Variants in PAPSS2 observed in about 807,000 individuals in gnomAD.
PAPSS2 encodes the protein bifunctional 3'-phosphoadenosine 5'-phosphosulfate synthase 2.
In PAPSS2, 61 loss-of-function variants were observed where a neutral mutation model predicts 66.5. The ratio of observed to expected loss-of-function variants is 0.92; its 90% CI spans 0.75 to 1.14. PAPSS2 has a LOEUF of 1.14. Ranked by LOEUF, PAPSS2 falls within the 50% of genes most tolerant of loss-of-function variation. PAPSS2 has a pLI of 0.00. For synonymous variants in PAPSS2, 289 were observed against 287.5 expected, an observed-to-expected ratio of 1.01 and a Z score of -0.05; for missense variants, 708 against 789.6, an observed-to-expected ratio of 0.90 and a Z score of 1.24.
At chr10:87,712,468 TG>T (rs1390750553) in intron 2 of PAPSS2, among the ~76,000 whole-genome samples, 2 of 152,330 alleles carry the variant, frequency 1.3e-5, no homozygotes, top group East Asian at 3.9e-4. Flanking sequence ...CTTTTTGCTT[TG>T]GAGACAAGGC....
chr10:87,716,644 G>A (rs1397082310), intron 7 of PAPSS2, among the ~76,000 whole-genome samples: 1 of 151,966 alleles, frequency 6.6e-6, no homozygotes, highest in Non-Finnish European at 1.5e-5. Context: ...CTCTTTTTTG[G>A]GAGAGGTGTT....
At chr10:87,676,975 C>T (rs1230157514) in intron 1 of PAPSS2, among the ~76,000 whole-genome samples, 1 of 147,298 alleles carries the variant, frequency 6.8e-6, no homozygotes, top group African/African-American at 2.5e-5. Context: ...AGGCAGATCA[C>T]TTGAGGTCAG....
intron 1 of PAPSS2, among the ~76,000 whole-genome samples, chr10:87,662,964 C>T (rs1472098330): frequency 4.0e-5 from 6 of 151,472 alleles, no homozygotes; most frequent in Non-Finnish European, 8.8e-5. Flanking sequence ...CTGCAACCTC[C>T]GCCTCCCGGG....
At position 87,724,641 on chromosome 10, in the gene PAPSS2, TTA is replaced by T. The variant is rs911049777; in HGVS notation, c.881-2634_881-2633del. On this transcript the variant is annotated intron_variant, in intron 8 of 12. Coordinates refer to ENST00000456849, the MANE Select transcript of PAPSS2 (RefSeq NM_001015880.2). ...ATATATTAATTTATACATATATTAA[TTA>T]TATATATACATTATTTTAATAAATT... Among the ~76,000 whole-genome samples, 11 of 137,336 alleles carry T rather than the reference TTA, an allele frequency of 8.0e-5. No homozygotes were observed. In the East Asian group the frequency reaches 1.1e-3, roughly 14 times the overall value. 90.1% of individuals were successfully genotyped at this position (137,336 alleles called of 152,430 possible).
intron 11 of PAPSS2, 130 bp downstream of exon 11, chr10:87,743,771 T>C: frequency 9.2e-7 from 1 of 1,081,736 alleles, no homozygotes; most frequent in Admixed American, 1.9e-5. Context: ...CTGGTGTCTC[T>C]TCTTTATCTA....
intron 9 of PAPSS2, among the ~76,000 whole-genome samples, chr10:87,740,419 A>G (rs1853853615): frequency 6.6e-6 from 1 of 152,258 alleles, no homozygotes; most frequent in Non-Finnish European, 1.5e-5. Flanking sequence ...AATATACAAT[A>G]TTGCAAAATC....
Position 87,745,145 on chromosome 10 carries a change from T to C in PAPSS2, c.1635T>C (p.Pro545=). The C allele has an allele frequency of 6.2e-7, 1 of 1,614,152 alleles. No individual in the cohort carries two copies. Among genetic ancestry groups the C allele is most frequent in the East Asian group, 2.2e-5 (1 of 44,866 alleles). ...GGGGCAAGGTCTTGAGCATGGCCCC[T>C]GGCCTCACCTCTGTGGAAATCATTC... The part of the protein sequence containing the change: ...THGGKVLSMA[P]GLTSVEIIPF... The change falls in exon 12 of 13, where the codon CCT becomes CCC. Residue 545 remains proline (P), a synonymous_variant. Coordinates refer to ENST00000456849, the MANE Select transcript of PAPSS2 (RefSeq NM_001015880.2).
chr10:87,722,775 A>G (rs778627617), intron 8 of PAPSS2, among the ~76,000 whole-genome samples: 3 of 152,240 alleles, frequency 2.0e-5, no homozygotes, highest in Admixed American at 6.5e-5. Flanking sequence ...AGAAAGGTTG[A>G]TAAAGATGAT....
intron 8 of PAPSS2, among the ~76,000 whole-genome samples, chr10:87,724,261 T>TA (rs916812643): frequency 4.0e-4 from 54 of 136,448 alleles, no homozygotes; most frequent in South Asian, 9.2e-4. Flanking sequence ...ATAGTCTTAC[T>TA]AAAAAAAAAA....
intron 9 of PAPSS2, among the ~76,000 whole-genome samples, chr10:87,727,838 C>A (rs1853678601): frequency 6.6e-6 from 1 of 152,140 alleles, no homozygotes; most frequent in African/African-American, 2.4e-5. Flanking sequence ...GAGCTTGCAG[C>A]CCTGCCCATC....
chr10:87,670,482 A>G (rs938440524), intron 1 of PAPSS2, among the ~76,000 whole-genome samples: 2 of 152,084 alleles, frequency 1.3e-5, no homozygotes, highest in African/African-American at 2.4e-5. Flanking sequence ...AGGGAAGTCC[A>G]AGTTTTTCAG....
chr10:87,681,179 T>C (rs1853016425), intron 1 of PAPSS2, among the ~76,000 whole-genome samples: 1 of 152,178 alleles, frequency 6.6e-6, no homozygotes, highest in South Asian at 2.1e-4. Flanking sequence ...GTGCCAAGGT[T>C]GAGAAACCCT....
At chr10:87,673,997 A>G (rs1852913328) in intron 1 of PAPSS2, among the ~76,000 whole-genome samples, 1 of 152,054 alleles carries the variant, frequency 6.6e-6, no homozygotes, top group Admixed American at 6.6e-5. Context: ...CTATGCCTGC[A>G]GGGCCTAGAG....
At chr10:87,716,089 A>T (rs1853529192) in intron 7 of PAPSS2, among the ~76,000 whole-genome samples, 1 of 152,208 alleles carries the variant, frequency 6.6e-6, no homozygotes, top group Non-Finnish European at 1.5e-5. Context: ...CAAGAGAAAG[A>T]CAGGTCTGTT....
chr10:87,720,387 C>T (rs897697451), intron 7 of PAPSS2, among the ~76,000 whole-genome samples: 1 of 152,148 alleles, frequency 6.6e-6, no homozygotes, highest in African/African-American at 2.4e-5. Context: ...AGTGCCTCAC[C>T]TGATGGCGTT....
intron 1 of PAPSS2, among the ~76,000 whole-genome samples, chr10:87,678,534 C>T (rs1852977509): frequency 6.6e-6 from 1 of 152,016 alleles, no homozygotes; most frequent in African/African-American, 2.4e-5. Flanking sequence ...GAAAATATTG[C>T]ATACTATCTT....
intron 1 of PAPSS2, among the ~76,000 whole-genome samples, chr10:87,693,993 G>A: frequency 6.6e-6 from 1 of 152,174 alleles, no homozygotes; most frequent in East Asian, 1.9e-4. Flanking sequence ...TTTGTTTAAG[G>A]ATATTCACAT....
At chr10:87,680,263 C>T (rs1340980078) in intron 1 of PAPSS2, among the ~76,000 whole-genome samples, 4 of 152,188 alleles carry the variant, frequency 2.6e-5, no homozygotes, top group Admixed American at 2.0e-4. Flanking sequence ...TTCTTTAGCA[C>T]TGGAGGGAGC....
chr10:87,711,954 A>AT (rs970313204), intron 2 of PAPSS2, among the ~76,000 whole-genome samples: 1,481 of 145,626 alleles, frequency 0.01, 14 homozygotes, highest in Non-Finnish European at 0.014. Context: ...TAAAGGACCC[A>AT]TTTTTTTTTT....
Sources: allele counts gnomAD v4.1 joint callset (sites outside exome capture counted in the v4.1 genomes callset), GRCh38; gene constraint gnomAD v4.1.1; transcripts MANE v1.5; gene names NCBI Gene and HGNC (gene_info 2026-07-23, HGNC 2026-07-21).